Variants in HCN1 observed in about 807,000 individuals in gnomAD.
The protein encoded by HCN1 is potassium/sodium hyperpolarization-activated cyclic nucleotide-gated channel 1.
Under a neutral mutation model 78.9 loss-of-function variants are expected in HCN1, and 13 were observed. The observed-to-expected ratio is 0.16, with a 90% CI of 0.11 to 0.26. HCN1 has a LOEUF of 0.26. HCN1 is among the 10% of genes least tolerant of loss of function. HCN1 has a pLI of 1.00. For synonymous variants in HCN1, 552 were observed against 455.5 expected (o/e 1.21, Z -2.70); for missense variants, 810 against 1,154.3 (o/e 0.70, Z 4.32).
At chr5:45,373,169 T>C (rs1161917852) in intron 4 of HCN1, among the ~76,000 whole-genome samples, 4 of 124,116 alleles carry the variant, frequency 3.2e-5, no homozygotes, top group African/African-American at 9.3e-5. Flanking sequence ...ATATGTACTT[T>C]ATAAAATATA....
intron 4 of HCN1, among the ~76,000 whole-genome samples, chr5:45,375,729 T>G (rs1473889189): frequency 8.5e-6 from 1 of 118,066 alleles, no homozygotes; most frequent in Non-Finnish European, 1.6e-5. Context: ...AATATCATAT[T>G]TTATGATATA....
At chr5:45,608,357 A>G (rs7723747) in intron 2 of HCN1, among the ~76,000 whole-genome samples, 566 of 140,502 alleles carry the variant, frequency 4.0e-3, no homozygotes, top group African/African-American at 0.012. Context: ...GGATGGGTGT[A>G]TGTGTGTGTG....
chr5:45,638,812 G>T (rs1485031754), intron 2 of HCN1, among the ~76,000 whole-genome samples: 7 of 152,120 alleles, frequency 4.6e-5, no homozygotes, highest in Non-Finnish European at 7.4e-5. Context: ...TGAGACAGGA[G>T]AATCACTTGA....
chr5:45,532,340 TG>T (rs372634750), intron 2 of HCN1, among the ~76,000 whole-genome samples: 86 of 152,312 alleles, frequency 5.6e-4, no homozygotes, highest in African/African-American at 1.9e-3. Context: ...CAGACAAAAA[TG>T]TTTCAAGATA....
chr5:45,675,841 G>T (rs1246345993), intron 1 of HCN1, among the ~76,000 whole-genome samples: 1 of 151,804 alleles, frequency 6.6e-6, no homozygotes, highest in Non-Finnish European at 1.5e-5. Flanking sequence ...AATCTAAATA[G>T]CATGAATAAA....
chr5:45,362,733 A>T (rs1451767453), intron 4 of HCN1, among the ~76,000 whole-genome samples: 3 of 152,138 alleles, frequency 2.0e-5, no homozygotes, highest in Non-Finnish European at 4.4e-5. Context: ...ACTTGCATAA[A>T]GTCACACAGC....
At chr5:45,292,435 C>T (rs2111887002) in intron 6 of HCN1, among the ~76,000 whole-genome samples, 1 of 152,068 alleles carries the variant, frequency 6.6e-6, no homozygotes, top group East Asian at 1.9e-4. Context: ...TTCATCACAA[C>T]AGAAAGTTCT....
chr5:45,366,094 G>C (rs1360396706), intron 4 of HCN1, among the ~76,000 whole-genome samples: 2 of 151,626 alleles, frequency 1.3e-5, no homozygotes, highest in East Asian at 3.9e-4. Flanking sequence ...ATTTAGATAA[G>C]TTTGGGTGAT....
intron 4 of HCN1, among the ~76,000 whole-genome samples, chr5:45,395,886 T>C (rs894399591): frequency 6.6e-6 from 1 of 152,186 alleles, no homozygotes; most frequent in African/African-American, 2.4e-5. Context: ...TGCCTATATT[T>C]ACTTTTTCTC....
chr5:45,548,848 A>G (rs1003557868), intron 2 of HCN1, among the ~76,000 whole-genome samples: 11 of 151,868 alleles, frequency 7.2e-5, no homozygotes, highest in African/African-American at 2.7e-4. Flanking sequence ...CTTATACACC[A>G]ATAACAGACA....
intron 3 of HCN1, among the ~76,000 whole-genome samples, chr5:45,408,158 G>A (rs570106879): frequency 1.1e-3 from 170 of 152,070 alleles, no homozygotes; most frequent in African/African-American, 4.0e-3. Flanking sequence ...AATAAACTAA[G>A]GTTAATTTAT....
rs551399894 is a variant in HCN1, at chr5:45,544,852, A to T, written c.850-82845T>A. On this transcript the variant is annotated intron_variant, in intron 2 of 7. Transcript: ENST00000303230. ...ATTTTCTTAATCCAGTCTATCACTG[A>T]TGGACATTTGGACTGGTTCCAAGTC... Among the ~76,000 whole-genome samples the T allele has an allele frequency of 1.2e-4, 18 of 152,130 alleles. No homozygotes were observed. In the South Asian group the frequency reaches 2.9e-3, roughly 25 times the overall value.
At chr5:45,681,966 T>C (rs1739709034) in intron 1 of HCN1, among the ~76,000 whole-genome samples, 1 of 152,080 alleles carries the variant, frequency 6.6e-6, no homozygotes, top group East Asian at 1.9e-4. Context: ...GATAGTGGTG[T>C]TGGGAGGAGG....
intron 1 of HCN1, among the ~76,000 whole-genome samples, chr5:45,664,965 CTA>C (rs1347446451): frequency 1.3e-5 from 2 of 151,708 alleles, no homozygotes; most frequent in Non-Finnish European, 2.9e-5. Flanking sequence ...ACCCAAAGGA[CTA>C]TAAATCATGC....
chr5:45,566,609 T>C (rs1282365397), intron 2 of HCN1, among the ~76,000 whole-genome samples: 1 of 152,094 alleles, frequency 6.6e-6, no homozygotes, highest in Non-Finnish European at 1.5e-5. Flanking sequence ...AAATTGATAG[T>C]AATTTTTTTC....
chr5:45,695,647 G>A (rs1399605090), intron 1 of HCN1, 22 bp downstream of exon 1: 12 of 1,607,506 alleles, frequency 7.5e-6, no homozygotes, highest in South Asian at 2.2e-5. Context: ...GGGAGGGTGG[G>A]GCGGCGACCG....
intron 2 of HCN1, among the ~76,000 whole-genome samples, chr5:45,593,369 CA>C (rs1293968193): frequency 2.8e-4 from 42 of 150,620 alleles, no homozygotes; most frequent in Middle Eastern, 6.8e-3. Context: ...CACACACACA[CA>C]CCCCACATGT....
chr5:45,297,817 A>G (rs2111895398), intron 6 of HCN1, among the ~76,000 whole-genome samples: 1 of 152,200 alleles, frequency 6.6e-6, no homozygotes. Context: ...AAAATCAATC[A>G]AAACAATTCA....
rs769777124 is a variant in HCN1 at position 45,396,534 on chromosome 5, T to C, written c.1188A>G (p.Leu396=). ...GCCTCGAAGAATCCAGAGACTGGAT[T>C]AAAGCGGTGGCATGGCCGACAAACA... ...YAMFVGHATA[L]IQSLDSSRRQ... Residue 396 remains leucine (L), a synonymous_variant, in exon 4 of 8, where the codon TTA becomes TTG. Transcript: ENST00000303230. 4 of 1,613,806 alleles carry C rather than the reference T, an allele frequency of 2.5e-6. No homozygotes were observed. Among genetic ancestry groups the C allele is most frequent in the Non-Finnish European group, 1.7e-6 (2 of 1,179,874 alleles).
Sources: allele counts gnomAD v4.1 joint callset (sites outside exome capture counted in the v4.1 genomes callset), GRCh38; gene constraint gnomAD v4.1.1; transcripts MANE v1.5; gene names NCBI Gene and HGNC (gene_info 2026-07-23, HGNC 2026-07-21).